NIPSNAP2: variants seen among roughly 807,000 people sequenced by gnomAD.
The protein encoded by NIPSNAP2 is nipsnap homolog 2, also known as protein NipSnap homolog 2.
In NIPSNAP2, 42 loss-of-function variants were observed where a neutral mutation model predicts 48.4. The ratio of observed to expected loss-of-function variants is 0.87; its 90% CI spans 0.68 to 1.12. The LOEUF (loss-of-function observed/expected upper bound fraction) is 1.12. NIPSNAP2 is among the 50% of genes most tolerant of loss of function. The pLI, the probability that NIPSNAP2 is intolerant of heterozygous loss-of-function variation, is 0.00. For synonymous variants in NIPSNAP2, 158 were observed against 126.6 expected (o/e 1.25, Z -1.67); for missense variants, 314 against 347.3 (o/e 0.90, Z 0.76).
chr7:55,965,733 A>C (rs1017827958), intron 1 of NIPSNAP2, among the ~76,000 whole-genome samples: 15 of 152,042 alleles, frequency 9.9e-5, no homozygotes, highest in Non-Finnish European at 1.6e-4. Context: ...GGCATGCACC[A>C]CCACACCCGG....
intron 3 of NIPSNAP2, chr7:55,979,927 C>T: frequency 4.5e-6 from 2 of 446,556 alleles, no homozygotes; most frequent in South Asian, 3.1e-5. Flanking sequence ...GGGTCCCCAG[C>T]AAAGAGGAGT....
At chr7:55,998,519 T>TG (rs869233657) in intron 9 of NIPSNAP2, among the ~76,000 whole-genome samples, 16 of 145,462 alleles carry the variant, frequency 1.1e-4, no homozygotes, top group African/African-American at 4.1e-4. Flanking sequence ...TTTTTTTTTT[T>TG]GAGACGGAGT....
At chr7:55,970,348 G>T (rs1449720596) in intron 1 of NIPSNAP2, among the ~76,000 whole-genome samples, 4 of 135,544 alleles carry the variant, frequency 3.0e-5, no homozygotes, top group Non-Finnish European at 6.3e-5. Context: ...TTGCACTCTT[G>T]CCCAGGCTGG....
intron 3 of NIPSNAP2, chr7:55,980,092 A>G (rs1787182434): frequency 4.6e-6 from 1 of 217,520 alleles, no homozygotes; most frequent in East Asian, 9.7e-5. Flanking sequence ...TCATGCGACG[A>G]AAAGGAAATG....
At chr7:55,996,743 T>C (rs926343039) in intron 8 of NIPSNAP2, among the ~76,000 whole-genome samples, 4 of 152,174 alleles carry the variant, frequency 2.6e-5, no homozygotes, top group African/African-American at 9.7e-5. Flanking sequence ...AAGAGGGAAT[T>C]GTGTCTGGAT....
Position 55,984,854 on chromosome 7 carries a change from C to A in NIPSNAP2, c.593C>A (p.Thr198Asn). 6.2e-7 allele frequency: 1 copy of A among 1,608,780 alleles called. No individual in the cohort carries two copies. The highest frequency in any genetic ancestry group is 8.5e-7 in the Non-Finnish European group (1 of 1,178,126). ...ATCTAAATCTGTTTTCAGCCAGGAACCATGATTGAATGGGGCAATTACTGG... is the reference window on the plus strand; with the variant it reads ...ATCTAAATCTGTTTTCAGCCAGGAAACATGATTGAATGGGGCAATTACTGG... ...ELRSYQLRPG[T>N]MIEWGNYWAR... is the part of the protein sequence containing the mutation. Residue 198 changes from threonine (T) to asparagine (N), a missense_variant, in exon 7 of 10, where the codon ACC becomes AAC. Around this residue, in one of 2 missense-constraint regions of NIPSNAP2, gnomAD observed 116 missense variants for 161.8 expected, o/e 0.72. Coordinates refer to ENST00000322090, the MANE Select transcript of NIPSNAP2 (RefSeq NM_001483.3).
At chr7:55,965,806 CCT>C (rs1257322230) in intron 1 of NIPSNAP2, among the ~76,000 whole-genome samples, 3 of 152,146 alleles carry the variant, frequency 2.0e-5, no homozygotes, top group Non-Finnish European at 4.4e-5. Context: ...ATCTCGAACT[CCT>C]GACCTCAGGT....
intron 6 of NIPSNAP2, 42 bp downstream of exon 6, chr7:55,983,910 A>T: frequency 6.3e-7 from 1 of 1,584,668 alleles, no homozygotes. Flanking sequence ...CTCCTCTGTG[A>T]AAAAGCACAA....
intron 1 of NIPSNAP2, among the ~76,000 whole-genome samples, chr7:55,973,841 C>A (rs1343963247): frequency 2.6e-5 from 4 of 152,070 alleles, no homozygotes; most frequent in African/African-American, 9.7e-5. Flanking sequence ...CTGGTTTCTA[C>A]CTATTTGAGA....
At chr7:55,967,852 G>T (rs978727517) in intron 1 of NIPSNAP2, among the ~76,000 whole-genome samples, 2 of 151,920 alleles carry the variant, frequency 1.3e-5, no homozygotes, top group African/African-American at 4.8e-5. Context: ...GTTTCTCCAT[G>T]TTGCCCAGGC....
At chr7:55,986,030 A>C (rs1160431857) in intron 7 of NIPSNAP2, among the ~76,000 whole-genome samples, 1 of 152,058 alleles carries the variant, frequency 6.6e-6, no homozygotes, top group Non-Finnish European at 1.5e-5. Context: ...CCTAGGTGAC[A>C]GAGTGAGACT....
At position 55,981,763 on chromosome 7, in the gene NIPSNAP2, T is replaced by C. The variant is rs1329937841; in HGVS notation, c.373+196T>C. On this transcript the variant is annotated intron_variant, in intron 4 of 9. Transcript: ENST00000322090. ...TGTTTTTAATGTTTGAATCTATTAT[T>C]GAACCATTATGATGTAACTCATAGG... 22 of 518,738 alleles carry C rather than the reference T, an allele frequency of 4.2e-5. No individual in the cohort carries two copies. The Admixed American group carries it at 7.3e-4, about 17-fold the overall frequency. 32.1% of individuals were successfully genotyped at this position (518,738 alleles called of 1,614,324 possible).
chr7:55,969,813 C>T (rs963541273), intron 1 of NIPSNAP2, among the ~76,000 whole-genome samples: 2 of 151,882 alleles, frequency 1.3e-5, no homozygotes, highest in Non-Finnish European at 2.9e-5. Context: ...GAAACCCTGT[C>T]TCTACTAAAA....
chr7:55,974,277 AAAGAAAG>A (rs1787066395), intron 1 of NIPSNAP2, among the ~76,000 whole-genome samples: 5 of 151,936 alleles, frequency 3.3e-5, no homozygotes, highest in Admixed American at 3.3e-4. Flanking sequence ...AGAAAGAAAG[AAAGAAAG>A]AAAAAGGCTG....
At chr7:55,998,211 T>C (rs985079735) in intron 9 of NIPSNAP2, among the ~76,000 whole-genome samples, 4 of 151,044 alleles carry the variant, frequency 2.6e-5, no homozygotes, top group Non-Finnish European at 5.9e-5. Flanking sequence ...ATTGTGCCAC[T>C]GCACTCCAGC....
intron 8 of NIPSNAP2, among the ~76,000 whole-genome samples, chr7:55,995,774 C>G (rs1464516648): frequency 2.0e-5 from 3 of 152,136 alleles, no homozygotes; most frequent in Non-Finnish European, 4.4e-5. Flanking sequence ...CAGGCAGGCA[C>G]CAGAGTGTGA....
intron 1 of NIPSNAP2, among the ~76,000 whole-genome samples, chr7:55,967,490 A>G (rs1786919345): frequency 6.6e-6 from 1 of 151,560 alleles, no homozygotes; most frequent in Admixed American, 6.6e-5. Flanking sequence ...TTCCTTGGAG[A>G]TAGTCTTGCC....
chr7:55,978,524 C>T (rs1787149426), intron 3 of NIPSNAP2, 129 bp downstream of exon 3: 1 of 861,702 alleles, frequency 1.2e-6, no homozygotes. Context: ...CATTCAGAGG[C>T]TCTTAAACTG....
At chr7:55,973,747 G>T (rs1386113923) in intron 1 of NIPSNAP2, among the ~76,000 whole-genome samples, 1 of 151,848 alleles carries the variant, frequency 6.6e-6, no homozygotes, top group Non-Finnish European at 1.5e-5. Context: ...GCCTCCCAGA[G>T]AGCTGGGATT....
Sources: gnomAD v4.1 joint callset for allele counts (sites outside exome capture counted in the v4.1 genomes callset) on GRCh38, gnomAD v4.1.1 for gene constraint, gnomAD v4.1.1 regional missense constraint, MANE v1.5 for transcripts, NCBI Gene and HGNC (gene_info 2026-07-23, HGNC 2026-07-21) for gene names.